EGFLAM: variants seen among roughly 807,000 people sequenced by gnomAD.
EGFLAM encodes EGF like, fibronectin type III and laminin G domains.
EGFLAM carries 79 observed loss-of-function variants against 113.1 expected under a neutral mutation model. That is an observed-to-expected ratio of 0.70 (90% CI 0.58 to 0.84). EGFLAM has a LOEUF of 0.84. Ranked by LOEUF, EGFLAM falls within the 40% of genes least tolerant of loss-of-function variation. The pLI is 0.00. For synonymous variants in EGFLAM, 504 were observed against 487.6 expected, an observed-to-expected ratio of 1.03 and a Z score of -0.44; for missense variants, 1,265 against 1,291.6, an observed-to-expected ratio of 0.98 and a Z score of 0.32.
intron 15 of EGFLAM, among the ~76,000 whole-genome samples, chr5:38,432,820 C>T (rs938799447): frequency 6.6e-6 from 1 of 152,192 alleles, no homozygotes; most frequent in Non-Finnish European, 1.5e-5. Context: ...ATCTAAGAGA[C>T]AACACATAGG....
At chr5:38,396,088 C>CT (rs1678083748) in intron 6 of EGFLAM, among the ~76,000 whole-genome samples, 1 of 131,652 alleles carries the variant, frequency 7.6e-6, no homozygotes, top group Non-Finnish European at 1.6e-5. Flanking sequence ...CATTCTTCAA[C>CT]CCATCCCAAC....
At chr5:38,331,971 G>T (rs1739054581) in intron 1 of EGFLAM, among the ~76,000 whole-genome samples, 1 of 152,142 alleles carries the variant, frequency 6.6e-6, no homozygotes, top group Non-Finnish European at 1.5e-5. Context: ...GTGGTATGAT[G>T]AGCATGTTTG....
chr5:38,323,641 T>C (rs1388217445), intron 1 of EGFLAM, among the ~76,000 whole-genome samples: 1 of 152,208 alleles, frequency 6.6e-6, no homozygotes, highest in Non-Finnish European at 1.5e-5. Context: ...ATAAGTGGCC[T>C]ACTACTTAGA....
At chr5:38,450,427 G>C (rs1169905957) in intron 18 of EGFLAM, among the ~76,000 whole-genome samples, 2 of 152,204 alleles carry the variant, frequency 1.3e-5, no homozygotes, top group Non-Finnish European at 2.9e-5. Flanking sequence ...TCACGATTGA[G>C]GACACTGCAG....
chr5:38,266,476 T>C (rs1757638594), intron 1 of EGFLAM, among the ~76,000 whole-genome samples: 1 of 152,192 alleles, frequency 6.6e-6, no homozygotes, highest in African/African-American at 2.4e-5. Flanking sequence ...GAAATTGGGA[T>C]TGTTTAATCT....
chr5:38,293,219 A>G (rs1216034091), intron 1 of EGFLAM, among the ~76,000 whole-genome samples: 1 of 152,230 alleles, frequency 6.6e-6, no homozygotes, highest in Non-Finnish European at 1.5e-5. Context: ...ATGAAAGAAC[A>G]TAGGATTTGA....
intron 13 of EGFLAM, among the ~76,000 whole-genome samples, chr5:38,426,134 A>C (rs1445740993): frequency 6.6e-6 from 1 of 152,076 alleles, no homozygotes; most frequent in Non-Finnish European, 1.5e-5. Flanking sequence ...GAAGGTAGAC[A>C]CAGAAACGTT....
At chr5:38,309,733 G>T (rs1356325690) in intron 1 of EGFLAM, among the ~76,000 whole-genome samples, 1 of 152,184 alleles carries the variant, frequency 6.6e-6, no homozygotes, top group Non-Finnish European at 1.5e-5. Context: ...GTCTGAGAAT[G>T]CTTATATTTC....
At chr5:38,387,562 C>A (rs1230747399) in intron 6 of EGFLAM, among the ~76,000 whole-genome samples, 1 of 152,238 alleles carries the variant, frequency 6.6e-6, no homozygotes, top group Non-Finnish European at 1.5e-5. Context: ...TCACCCACCA[C>A]ACAATTCTGT....
At chr5:38,308,193 T>C (rs1446801517) in intron 1 of EGFLAM, among the ~76,000 whole-genome samples, 1 of 152,236 alleles carries the variant, frequency 6.6e-6, no homozygotes, top group East Asian at 1.9e-4. Context: ...TAGCCTTTAC[T>C]ACACCAAAGT....
intron 1 of EGFLAM, among the ~76,000 whole-genome samples, chr5:38,269,492 C>CT (rs372732442): frequency 0.31 from 43,272 of 137,958 alleles, 7,222 homozygotes; most frequent in African/African-American, 0.43. Context: ...CTTTTCTTTT[C>CT]TTTTTTTTTT....
At chr5:38,445,395 G>A in intron 17 of EGFLAM, 4 of 1,111,956 alleles carry the variant, frequency 3.6e-6, no homozygotes, top group Non-Finnish European at 4.7e-6. Flanking sequence ...TCAGACAGCT[G>A]ATTCTAAACA....
At chr5:38,288,772 G>A (rs1426031117) in intron 1 of EGFLAM, among the ~76,000 whole-genome samples, 2 of 152,180 alleles carry the variant, frequency 1.3e-5, no homozygotes, top group Non-Finnish European at 1.5e-5. Flanking sequence ...TATTTCAGTT[G>A]TCTAGACAAT....
intron 1 of EGFLAM, among the ~76,000 whole-genome samples, chr5:38,319,322 A>G (rs1435972060): frequency 6.6e-6 from 1 of 152,134 alleles, no homozygotes; most frequent in Non-Finnish European, 1.5e-5. Flanking sequence ...TTGTACCTAG[A>G]AGAGAAAATT....
rs187130699 is a variant in EGFLAM at position 38,412,633 on chromosome 5, G to T, written c.1479G>T (p.Val493=). The T allele has an allele frequency of 1.2e-6, 2 of 1,613,924 alleles. No homozygotes were observed. Among genetic ancestry groups the T allele is most frequent in the African/African-American group, 1.3e-5 (1 of 74,928 alleles). The change falls in exon 11 of 22, where the codon GTG becomes GTT. Residue 493 remains valine, a synonymous_variant. Coordinates refer to ENST00000322350, the MANE Select transcript of EGFLAM (RefSeq NM_152403.4). ...TGCAGCTGAACAATGGCACCCCAGT[G>T]ACAGGCCAGTCTCAGGTATGTATGA... The part of the protein sequence containing the change: ...GLLQLNNGTP[V]TGQSQGQYSK...
chr5:38,407,931 G>A (rs1461856037), intron 9 of EGFLAM, 26 bp downstream of exon 9: 4 of 1,541,602 alleles, frequency 2.6e-6, no homozygotes, highest in South Asian at 1.1e-5. Context: ...TGTTTGATGA[G>A]TGCTTTTTGG....
Position 38,419,889 on chromosome 5 carries a change from T to C in EGFLAM, c.1684+1634T>C, listed in dbSNP as rs1364748672. Among the ~76,000 whole-genome samples the C allele has an allele frequency of 1.3e-5, 2 of 152,116 alleles. 1 individual carries two copies. ...CTAAAATACAAAAATTAGCCGGGCT[T>C]AGTGGCACACCCATGTAATCCCAGC... is the stretch of plus-strand genomic sequence containing the variant. On this transcript the variant is annotated intron_variant, in intron 12 of 21. Transcript: ENST00000322350.
intron 3 of EGFLAM, among the ~76,000 whole-genome samples, chr5:38,348,822 G>T (rs533796028): frequency 1.1e-4 from 16 of 151,598 alleles, no homozygotes; most frequent in African/African-American, 3.6e-4. Context: ...AGAGGAGGGG[G>T]AACAGATGGG....
chr5:38,455,052 GA>G (rs1226708860), intron 19 of EGFLAM, among the ~76,000 whole-genome samples: 1 of 152,148 alleles, frequency 6.6e-6, no homozygotes, highest in Non-Finnish European at 1.5e-5. Flanking sequence ...TGGGGTTTGT[GA>G]ACATTGCTTG....
Sources: gnomAD v4.1 joint callset for allele counts (sites outside exome capture counted in the v4.1 genomes callset) on GRCh38, gnomAD v4.1.1 for gene constraint, MANE v1.5 for transcripts, NCBI Gene and HGNC (gene_info 2026-07-23, HGNC 2026-07-21) for gene names.